The following HTR1F variants were observed in gnomAD, a reference collection of about 807,000 sequenced individuals.
HTR1F encodes 5-hydroxytryptamine (serotonin) receptor 1F, G protein-coupled.
HTR1F carries 17 observed loss-of-function variants against 24.0 expected under a neutral mutation model. The ratio of observed to expected loss-of-function variants is 0.71; its 90% confidence interval spans 0.48 to 1.06. HTR1F has a LOEUF of 1.06. Among genes scored for constraint, HTR1F ranks in the 50% least tolerant of loss-of-function variants. HTR1F has a pLI of 0.00. For missense variants in HTR1F, 391 were observed against 427.8 expected, an observed-to-expected ratio of 0.91 and a Z score of 0.76; for synonymous variants, 186 against 156.8, an observed-to-expected ratio of 1.19 and a Z score of -1.39.
At chr3:87,961,934 T>C (rs60225175) in intron 2 of HTR1F, among the ~76,000 whole-genome samples, 2,424 of 152,118 alleles carry the variant, frequency 0.016, 65 homozygotes, top group African/African-American at 0.055. Context: ...TTTTTGTCAG[T>C]ATAAGCATGC....
At chr3:87,987,172 G>A (rs752082731) in intron 2 of HTR1F, among the ~76,000 whole-genome samples, 22 of 151,530 alleles carry the variant, frequency 1.5e-4, no homozygotes, top group Non-Finnish European at 2.8e-4. Flanking sequence ...CCATTCCAAA[G>A]GAATTAACCC....
chr3:87,835,652 G>A (rs563973377), intron 2 of HTR1F, among the ~76,000 whole-genome samples: 1 of 152,306 alleles, frequency 6.6e-6, no homozygotes, highest in East Asian at 1.9e-4. Flanking sequence ...ATTAAATCAA[G>A]AAGTAGCATT....
At chr3:87,808,162 C>G (rs1454740387) in intron 1 of HTR1F, among the ~76,000 whole-genome samples, 1 of 151,886 alleles carries the variant, frequency 6.6e-6, no homozygotes, top group Non-Finnish European at 1.5e-5. Context: ...TTCTCCTCTC[C>G]AATTTTTTGG....
intron 2 of HTR1F, among the ~76,000 whole-genome samples, chr3:87,971,685 CTT>C (rs1411798595): frequency 1.3e-5 from 2 of 152,238 alleles, no homozygotes; most frequent in Non-Finnish European, 2.9e-5. Context: ...TTAACCACCT[CTT>C]GTGTATCTTT....
chr3:87,959,591 G>A (rs1017361220), intron 2 of HTR1F, among the ~76,000 whole-genome samples: 3 of 151,894 alleles, frequency 2.0e-5, no homozygotes, highest in African/African-American at 4.8e-5. Context: ...ACTTAAATTC[G>A]CTTTGTTAAA....
At chr3:87,931,663 C>G (rs1290429672) in intron 2 of HTR1F, among the ~76,000 whole-genome samples, 2 of 152,052 alleles carry the variant, frequency 1.3e-5, no homozygotes, top group Non-Finnish European at 2.9e-5. Flanking sequence ...ACAGTCCCAC[C>G]AACAGTGTAA....
chr3:87,805,751 G>C (rs76744415), intron 1 of HTR1F, among the ~76,000 whole-genome samples: 28,621 of 151,786 alleles, frequency 0.19, 2,869 homozygotes, highest in East Asian at 0.37. Flanking sequence ...TACGGCACAC[G>C]TTTACCCGTG....
chr3:87,982,003 C>G (rs1213837779), intron 2 of HTR1F, among the ~76,000 whole-genome samples: 1 of 151,952 alleles, frequency 6.6e-6, no homozygotes, highest in Non-Finnish European at 1.5e-5. Context: ...CAGATCTCAG[C>G]TCACTGCAAC....
intron 2 of HTR1F, among the ~76,000 whole-genome samples, chr3:87,847,089 T>C (rs1704962215): frequency 6.6e-6 from 1 of 151,662 alleles, no homozygotes; most frequent in South Asian, 2.1e-4. Flanking sequence ...TAAAATAAAA[T>C]ATACATAAAT....
intron 2 of HTR1F, among the ~76,000 whole-genome samples, chr3:87,927,170 A>G (rs1478612567): frequency 1.3e-5 from 2 of 152,132 alleles, no homozygotes; most frequent in East Asian, 3.9e-4. Context: ...TTAAGTGTAG[A>G]TGATCACCAG....
Position 87,915,300 on chromosome 3 carries a change from C to T in HTR1F, c.-42-75408C>T, listed in dbSNP as rs113199487. On this transcript the variant is annotated intron_variant, in intron 2 of 2. Coordinates refer to ENST00000319595, the MANE Select transcript of HTR1F (RefSeq NM_001322209.2). The stretch of plus-strand genomic sequence containing the variant: ...AATATGACAAAACAAGGTTCTATAA[C>T]ACCCCCCAAAAAATCACACTAGCTC... Among the ~76,000 whole-genome samples, 724 of 152,234 alleles carry T rather than the reference C, an allele frequency of 4.8e-3. 2 individuals are homozygous for T. The highest frequency in any genetic ancestry group is 0.017 in the African/African-American group (691 of 41,542).
At chr3:87,796,531 A>C (rs1446370790) in intron 1 of HTR1F, among the ~76,000 whole-genome samples, 1 of 152,202 alleles carries the variant, frequency 6.6e-6, no homozygotes, top group Non-Finnish European at 1.5e-5. Context: ...AAGCTGAGAA[A>C]AGAGTTCTAG....
chr3:87,932,209 A>C (rs1704293502), intron 2 of HTR1F, among the ~76,000 whole-genome samples: 1 of 152,044 alleles, frequency 6.6e-6, no homozygotes, highest in South Asian at 2.1e-4. Flanking sequence ...TCCATCTTGA[A>C]TTAATTTTTG....
At chr3:87,839,181 T>C (rs1704748139) in intron 2 of HTR1F, among the ~76,000 whole-genome samples, 1 of 152,046 alleles carries the variant, frequency 6.6e-6, no homozygotes, top group Non-Finnish European at 1.5e-5. Context: ...TTTATGTTTT[T>C]TTCCAATAGT....
At chr3:87,870,776 G>A (rs970548700) in intron 2 of HTR1F, among the ~76,000 whole-genome samples, 1 of 152,086 alleles carries the variant, frequency 6.6e-6, no homozygotes, top group African/African-American at 2.4e-5. Context: ...GGTGCTAGAA[G>A]AAGCAAGTTA....
Position 87,991,307 on chromosome 3 carries a change from AT to A in HTR1F, c.561del (p.Phe187LeufsTer10). ...ACATTGTTTCCACCATTTACTCAAC[AT>A]TTGGAGCTTTCTACATCCCACTGGC... ...DHIVSTIYST[F>X]GAFYIPLALI... is the part of the protein sequence containing the mutation. On this transcript the variant is annotated frameshift_variant, in exon 3 of 3. Coordinates refer to ENST00000319595, the MANE Select transcript of HTR1F (RefSeq NM_001322209.2). LOFTEE classifies it high-confidence loss of function. 1 of 1,614,042 alleles carries A rather than the reference AT, an allele frequency of 6.2e-7. No homozygotes were observed. The highest frequency in any genetic ancestry group is 1.1e-5 in the South Asian group (1 of 91,088).
At chr3:87,853,612 T>C (rs1705135810) in intron 2 of HTR1F, among the ~76,000 whole-genome samples, 1 of 152,026 alleles carries the variant, frequency 6.6e-6, no homozygotes, top group South Asian at 2.1e-4. Flanking sequence ...AGTCGAATGG[T>C]ATTTCTGTTT....
chr3:87,946,038 C>T (rs968738183), intron 2 of HTR1F, among the ~76,000 whole-genome samples: 21 of 152,156 alleles, frequency 1.4e-4, no homozygotes, highest in Non-Finnish European at 2.2e-4. Context: ...TATTAGAAGC[C>T]GTGGGTCACG....
chr3:87,940,458 T>A (rs1704541897), intron 2 of HTR1F, among the ~76,000 whole-genome samples: 1 of 152,150 alleles, frequency 6.6e-6, no homozygotes, highest in South Asian at 2.1e-4. Context: ...GTGAAGGACC[T>A]CTTCGAAGAG....
Sources: allele counts gnomAD v4.1 joint callset (sites outside exome capture counted in the v4.1 genomes callset), GRCh38; gene constraint gnomAD v4.1.1; transcripts MANE v1.5; gene names NCBI Gene and HGNC (gene_info 2026-07-23, HGNC 2026-07-21).